Variants in ATAD3B observed in about 807,000 individuals in gnomAD.
The protein encoded by ATAD3B is ATPase family AAA domain containing 3B.
In ATAD3B, 59 loss-of-function variants were observed where a neutral mutation model predicts 70.2. The observed-to-expected ratio is 0.84, with a 90% CI of 0.68 to 1.04. ATAD3B has a LOEUF of 1.04. ATAD3B is among the 50% of genes least tolerant of loss of function. The pLI is 0.00. For missense variants in ATAD3B, 961 were observed against 913.4 expected, an observed-to-expected ratio of 1.05 and a Z score of -0.67; for synonymous variants, 423 against 388.6, an observed-to-expected ratio of 1.09 and a Z score of -1.04.
At chr1:1,505,713 T>C in the ATAD3B span, among the ~76,000 whole-genome samples, 14 of 152,200 alleles carry the variant, frequency 9.2e-5, no homozygotes, top group South Asian at 6.2e-4. Context: ...CGCTTCTCAC[T>C]ATGTCCCTTC....
intron 1 of ATAD3B, among the ~76,000 whole-genome samples, chr1:1,474,149 A>G (rs1639473094): frequency 6.6e-6 from 1 of 151,648 alleles, no homozygotes; most frequent in African/African-American, 2.4e-5. Flanking sequence ...CCTCCTGAGG[A>G]GAGGGGACTG....
intron 12 of ATAD3B, 44 bp from the exon 13 acceptor site, chr1:1,489,160 A>G (rs1398593970): frequency 1.2e-6 from 2 of 1,611,998 alleles, no homozygotes; most frequent in Non-Finnish European, 1.7e-6. Context: ...GCTGTTTACA[A>G]GGCTTTGCTT....
chr1:1,482,835 C>T, intron 7 of ATAD3B: 1 of 666,034 alleles, frequency 1.5e-6, no homozygotes. Flanking sequence ...GAGACCCCAT[C>T]TCTACGAAGA....
At chr1:1,504,928 T>TTGTGTG in the ATAD3B span, among the ~76,000 whole-genome samples, 19 of 149,506 alleles carry the variant, frequency 1.3e-4, 2 homozygotes, top group Admixed American at 8.0e-4. Context: ...CTTCAACAGT[T>TTGTGTG]TGTGTGTGTG....
chr1:1,491,639 A>G (rs1640544638), intron 15 of ATAD3B, among the ~76,000 whole-genome samples: 1 of 152,068 alleles, frequency 6.6e-6, no homozygotes, highest in Non-Finnish European at 1.5e-5. Flanking sequence ...TGGGGTCCGC[A>G]GAGTCTGTGT....
intron 1 of ATAD3B, 108 bp downstream of exon 1, chr1:1,472,197 G>T: frequency 7.2e-7 from 1 of 1,390,552 alleles, no homozygotes; most frequent in East Asian, 4.3e-5. Flanking sequence ...CACTTCCCGG[G>T]CGAGACTGCG....
At position 1,490,370 on chromosome 1, in the gene ATAD3B, T is replaced by C; in HGVS notation, c.1451T>C (p.Leu484Pro). ...CCGCAGCAGGAGGAGCGGGAGCGCC[T>C]GGTGAGACTGCATTTTGACAACTGT... is the stretch of plus-strand genomic sequence containing the variant. ...DLPQQEERERLVRLHFDNCVL... is the reference protein window; with the variant it reads ...DLPQQEERERPVRLHFDNCVL... The change falls in exon 14 of 16, where the codon CTG becomes CCG. Residue 484 changes from leucine to proline, a missense_variant. Leu to Pro is a moderately conservative substitution (Grantham distance 98). Transcript: ENST00000673477. The C allele has an allele frequency of 1.2e-6, 2 of 1,613,434 alleles. No homozygotes were observed. Among genetic ancestry groups the C allele is most frequent in the Admixed American group, 1.7e-5 (1 of 59,994 alleles).
At chr1:1,492,263 GATCACTTGAGGTCAGGAGTTCAA>G (rs2100596716) in intron 15 of ATAD3B, among the ~76,000 whole-genome samples, 1 of 152,002 alleles carries the variant, frequency 6.6e-6, no homozygotes, top group African/African-American at 2.4e-5. Flanking sequence ...AAGGAGAGAA[GATCACTTGAGGTCAGGAGTTCAA>G]GACCACCCTG....
Position 1,487,852 on chromosome 1 carries a change from C to A in ATAD3B, c.1215-11C>A. On this transcript the variant is annotated splice_polypyrimidine_tract_variant and intron_variant, in intron 11 of 15. Transcript: ENST00000673477. ...CACTCTCGCCTTGCTTGGCCTCTCT[C>A]TCGTTCACAGCCTCCTGCTCTTCAT... is the stretch of plus-strand genomic sequence containing the variant. 3.1e-6 allele frequency: 5 copies of A among 1,612,898 alleles called. No individual in the cohort carries two copies. The highest frequency in any genetic ancestry group is 4.2e-6 in the Non-Finnish European group (5 of 1,179,340).
intron 1 of ATAD3B, among the ~76,000 whole-genome samples, chr1:1,474,546 C>A (rs1639497429): frequency 1.3e-5 from 2 of 151,986 alleles, no homozygotes; most frequent in African/African-American, 2.4e-5. Flanking sequence ...GCCGCCCAGG[C>A]TGGAATGCAG....
chr1:1,508,259 C>T, the ATAD3B span, among the ~76,000 whole-genome samples: 8 of 151,440 alleles, frequency 5.3e-5, no homozygotes, highest in East Asian at 7.7e-4. Flanking sequence ...GGTCCAGCTC[C>T]GGTCAGTGTC....
At chr1:1,490,762 A>T in intron 15 of ATAD3B, 91 bp downstream of exon 15, 1 of 1,516,906 alleles carries the variant, frequency 6.6e-7, no homozygotes, top group Non-Finnish European at 8.9e-7. Flanking sequence ...CACCGGTGTC[A>T]TGTGGGAGCT....
Position 1,473,116 on chromosome 1 carries a change from C to G in ATAD3B, c.205+1027C>G, listed in dbSNP as rs1342033564. On this transcript the variant is annotated intron_variant, in intron 1 of 15. Coordinates refer to ENST00000673477, the MANE Select transcript of ATAD3B (RefSeq NM_031921.6). ...GGGATTACAGGCCTGAGCCACAGCG[C>G]CCAGACAGAAGGGATTCCTTTTTTT... Among the ~76,000 whole-genome samples, 153 of 147,046 alleles carry G rather than the reference C, an allele frequency of 1.0e-3. 2 individuals carry two copies. Among genetic ancestry groups the G allele is most frequent in the Admixed American group, 0.01 (151 of 14,542 alleles).
downstream of ATAD3B, among the ~76,000 whole-genome samples, chr1:1,500,448 A>C (rs1465447977): frequency 6.7e-6 from 1 of 148,308 alleles, no homozygotes; most frequent in Non-Finnish European, 1.5e-5. Context: ...GCTACTCAGG[A>C]GGCTGAGGCA....
chr1:1,474,625 G>C (rs1189476234), intron 1 of ATAD3B, among the ~76,000 whole-genome samples: 1 of 151,946 alleles, frequency 6.6e-6, no homozygotes, highest in African/African-American at 2.4e-5. Context: ...TCAGCCTCCC[G>C]AGTAGCTGGG....
In ATAD3B at chr1:1,476,725, G is replaced by T. The variant is rs576330685; in HGVS notation, c.206-549G>T. On this transcript the variant is annotated intron_variant, in intron 1 of 15. Transcript: ENST00000673477. ...GGGTTTCACTGTGTTAACCAGGATG[G>T]TCTTGATCTCCTGACCTCATGATCC... 4.0e-4 allele frequency among the ~76,000 whole-genome samples: 61 copies of T among 151,980 alleles called. 1 individual carries two copies. In the South Asian group the frequency reaches 9.8e-3, roughly 24 times the overall value.
In ATAD3B at chr1:1,490,404, G is replaced by A. The variant is rs757648776; in HGVS notation, c.1485G>A (p.Lys495=). 29 of 1,613,446 alleles carry A rather than the reference G, an allele frequency of 1.8e-5. 2 individuals are homozygous for A. In the South Asian group the frequency reaches 3.1e-4, roughly 17 times the overall value. Reference sequence around the variant, plus strand: ...TGCATTTTGACAACTGTGTTCTTAAGCCGGCCACAGAAGGAAAACGGTGAG... The same window carrying A: ...TGCATTTTGACAACTGTGTTCTTAAACCGGCCACAGAAGGAAAACGGTGAG... ...VRLHFDNCVL[K]PATEGKRRLK... The change falls in exon 14 of 16, where the codon AAG becomes AAA. Residue 495 remains lysine, a synonymous_variant. Coordinates refer to ENST00000673477, the MANE Select transcript of ATAD3B (RefSeq NM_031921.6).
rs565338941 is a variant in ATAD3B, at chr1:1,477,370, G to A, written c.282+20G>A. On this transcript the variant is annotated intron_variant, in intron 2 of 15. Coordinates refer to ENST00000673477, the MANE Select transcript of ATAD3B (RefSeq NM_031921.6). ...CTCAAAGTGAGTGGGGCCGGTGTGG[G>A]CGAGGAGGCCGGGGCGCACATGGGG... 1 of 1,611,800 alleles carries A rather than the reference G, an allele frequency of 6.2e-7. No individual in the cohort carries two copies. The highest frequency in any genetic ancestry group is 8.5e-7 in the Non-Finnish European group (1 of 1,179,640).
chr1:1,490,512 T>G, intron 14 of ATAD3B, 51 bp from the exon 15 acceptor site: 1 of 1,611,024 alleles, frequency 6.2e-7, no homozygotes, highest in Non-Finnish European at 8.5e-7. Context: ...CTCCACCTCA[T>G]GGTGTGGGGT....
Sources: gnomAD v4.1 joint callset for allele counts (sites outside exome capture counted in the v4.1 genomes callset) on GRCh38, gnomAD v4.1.1 for gene constraint, MANE v1.5 for transcripts, NCBI Gene and HGNC (gene_info 2026-07-23, HGNC 2026-07-21) for gene names.